Variants in TBCE observed in about 807,000 individuals in gnomAD.
The protein encoded by TBCE is tubulin-specific chaperone E.
Under a neutral mutation model 77.0 loss-of-function variants are expected in TBCE, and 53 were observed. The observed-to-expected ratio is 0.69, with a 90% confidence interval of 0.55 to 0.87. The LOEUF (loss-of-function observed/expected upper bound fraction) is 0.87. Ranked by LOEUF, TBCE falls within the 40% of genes least tolerant of loss-of-function variation. The pLI is 0.00. For missense variants in TBCE, 624 were observed against 622.4 expected (o/e 1.00, Z -0.03); for synonymous variants, 235 against 241.3 (o/e 0.97, Z 0.24).
intron 5 of TBCE, among the ~76,000 whole-genome samples, chr1:235,426,367 C>T (rs72759726): frequency 1.3e-5 from 2 of 152,150 alleles, no homozygotes; most frequent in Admixed American, 6.6e-5. Context: ...CTAAGTCATG[C>T]GCTTTTGCAC....
intron 2 of TBCE, among the ~76,000 whole-genome samples, chr1:235,394,943 G>A (rs905165259): frequency 3.3e-5 from 5 of 152,150 alleles, no homozygotes; most frequent in African/African-American, 7.2e-5. Context: ...GGGCTCAAGC[G>A]ATCCTCCTGC....
In TBCE at chr1:235,435,798, T is replaced by C; in HGVS notation, c.791T>C (p.Leu264Ser). The change falls in exon 9 of 17, where the codon TTA becomes TCA. Residue 264 changes from leucine (L) to serine (S), a missense_variant. Transcript: ENST00000642610. ...TTATTAGATCTTTCCTCTAATCAAT[T>C]AATTGATGAAAATCAGCTGTATCTG... ...VKLLDLSSNQ[L>S]IDENQLYLIA... is the part of the protein sequence containing the mutation. 1.2e-6 allele frequency: 2 copies of C among 1,614,180 alleles called. No individual in the cohort carries two copies. The highest frequency in any genetic ancestry group is 8.5e-7 in the Non-Finnish European group (1 of 1,180,030).
intron 2 of TBCE, among the ~76,000 whole-genome samples, chr1:235,393,408 C>T (rs182866756): frequency 6.4e-4 from 97 of 152,070 alleles, no homozygotes; most frequent in African/African-American, 2.1e-3. Context: ...TGTGGTGGCA[C>T]GTGCCTGTAA....
At chr1:235,448,079 G>T (rs530638476) in intron 15 of TBCE, among the ~76,000 whole-genome samples, 1 of 151,932 alleles carries the variant, frequency 6.6e-6, no homozygotes. Flanking sequence ...TGTGGTGATG[G>T]GCACCAGCTA....
chr1:235,387,797 C>T (rs1380084182), intron 2 of TBCE, among the ~76,000 whole-genome samples: 1 of 152,072 alleles, frequency 6.6e-6, no homozygotes, highest in African/African-American at 2.4e-5. Context: ...ATCCAGACCC[C>T]AAAAGAGGGT....
intron 16 of TBCE, 57 bp downstream of exon 16, chr1:235,448,497 A>G: frequency 6.5e-7 from 1 of 1,534,798 alleles, no homozygotes; most frequent in East Asian, 2.2e-5. Context: ...GTATTATGAC[A>G]TTAAACTGTC....
At chr1:235,373,845 T>G (rs1677130985) in intron 1 of TBCE, among the ~76,000 whole-genome samples, 1 of 145,220 alleles carries the variant, frequency 6.9e-6, no homozygotes, top group African/African-American at 2.7e-5. Flanking sequence ...GAGACGGTGT[T>G]TCACCGTGTT....
Position 235,448,400 on chromosome 1 carries a change from T to C in TBCE, c.1451T>C (p.Val484Ala). ...VKGLLSRLLKVPVSDLLLSYE... is the reference protein window; with the variant it reads ...VKGLLSRLLKAPVSDLLLSYE... ...GGATTGCTGTCACGTCTTCTCAAAG[T>C]TCCTGTGTCAGACCTTCTGTTGTCC... The change falls in exon 16 of 17, where the codon GTT becomes GCT. Residue 484 changes from valine (V) to alanine (A), a missense_variant. Transcript: ENST00000642610. The C allele has an allele frequency of 6.2e-7, 1 of 1,614,106 alleles. No individual in the cohort carries two copies. The highest frequency in any genetic ancestry group is 8.5e-7 in the Non-Finnish European group (1 of 1,180,000).
rs1303235274 is a variant in TBCE, at chr1:235,438,834, AC to A, written c.1183del (p.Gln395ArgfsTer29). On this transcript the variant is annotated frameshift_variant, in exon 13 of 17. Transcript: ENST00000642610. LOFTEE classifies it high-confidence loss of function. The stretch of plus-strand genomic sequence containing the variant: ...GAAAAGCTTTTGGAAATGAGTGGAA[AC>A]AGGCTGGTGGACATAAGGATCCGGA... Reference protein sequence around the residue: ...YRKAFGNEWKQAGGHKDPEKN... With the variant: ...YRKAFGNEWKXAGGHKDPEKN... 2.5e-6 allele frequency: 4 copies of A among 1,614,194 alleles called. No homozygotes were observed. Among genetic ancestry groups the A allele is most frequent in the Non-Finnish European group, 3.4e-6 (4 of 1,180,044 alleles).
At chr1:235,368,121 C>G (rs1045173329) in intron 1 of TBCE, among the ~76,000 whole-genome samples, 3 of 152,074 alleles carry the variant, frequency 2.0e-5, no homozygotes, top group African/African-American at 7.2e-5. Context: ...GGCCAGGCTG[C>G]TCTCGAACTC....
chr1:235,379,639 C>T (rs962092195), intron 1 of TBCE, among the ~76,000 whole-genome samples: 5 of 151,980 alleles, frequency 3.3e-5, no homozygotes, highest in Non-Finnish European at 7.4e-5. Flanking sequence ...ATACTGACTT[C>T]TCTCCCAAAC....
At chr1:235,396,037 T>C (rs1678697979) in intron 2 of TBCE, among the ~76,000 whole-genome samples, 1 of 152,012 alleles carries the variant, frequency 6.6e-6, no homozygotes, top group Non-Finnish European at 1.5e-5. Context: ...TTTTATTGTG[T>C]ATGTGTTTAT....
rs980127860 is a variant in TBCE at position 235,393,574 on chromosome 1, G to A, written c.101-7929G>A. Among the ~76,000 whole-genome samples, 4 of 150,644 alleles carry A rather than the reference G, an allele frequency of 2.7e-5. No individual in the cohort carries two copies. The South Asian group carries it at 8.4e-4, about 32-fold the overall frequency. ...TTATTGATTATATCTTATTATTGTT[G>A]TTTTATTGCTGTTCTTGTTCCAGAG... On this transcript the variant is annotated intron_variant, in intron 2 of 16. Transcript: ENST00000642610.
intron 2 of TBCE, among the ~76,000 whole-genome samples, chr1:235,396,868 A>G (rs1162122329): frequency 5.3e-5 from 8 of 152,146 alleles, no homozygotes; most frequent in Admixed American, 1.3e-4. Context: ...GCTCCTTATT[A>G]TATTCTGGTT....
Position 235,449,093 on chromosome 1 carries a change from C to A in TBCE, c.*331C>A. On this transcript the variant is annotated 3_prime_UTR_variant, in exon 17 of 17. Transcript: ENST00000642610. ...AAATCTGAACACAGTTAATATCTGT[C>A]ATAAGACTAGTTTTAATGGAATTCT... 3.3e-6 allele frequency: 1 copy of A among 303,080 alleles called. No homozygotes were observed. The highest frequency in any genetic ancestry group is 3.1e-5 in the South Asian group (1 of 32,156). The allele number at this position is 303,080 out of a possible 1,614,324, so 18.8% of individuals were successfully genotyped here.
intron 1 of TBCE, among the ~76,000 whole-genome samples, chr1:235,370,550 A>T (rs1401432787): frequency 2.8e-3 from 359 of 129,640 alleles, no homozygotes; most frequent in African/African-American, 7.7e-3. Flanking sequence ...TGCACCCGGC[A>T]TTTTTTTTTT....
rs573324724 is a variant in TBCE, at chr1:235,374,617, C to T, written c.-31-5402C>T. ...CTGGATTCAAGTGATTCTCCTGCCT[C>T]AGCCTCCCTAGGAGCTGGGATTACA... On this transcript the variant is annotated intron_variant, in intron 1 of 16. Coordinates refer to ENST00000642610, the MANE Select transcript of TBCE (RefSeq NM_003193.5). Among the ~76,000 whole-genome samples, 3 of 145,498 alleles carry T rather than the reference C, an allele frequency of 2.1e-5. 1 individual carries two copies. The highest frequency in any genetic ancestry group is 8.0e-5 in the African/African-American group (3 of 37,652).
chr1:235,370,745 C>CTTGTCT (rs753648637), intron 1 of TBCE, among the ~76,000 whole-genome samples: 1 of 78,202 alleles, frequency 1.3e-5, no homozygotes, highest in African/African-American at 3.4e-5. Flanking sequence ...CTTGTCTTTT[C>CTTGTCT]TTTTTTTTTT....
chr1:235,394,418 C>CTTTTTTTTTTTTTTTTTT (rs386370043), intron 2 of TBCE, among the ~76,000 whole-genome samples: 1 of 72,314 alleles, frequency 1.4e-5, no homozygotes, highest in Admixed American at 2.3e-4. Flanking sequence ...TTGATAATTT[C>CTTTTTTTTTTTTTTTTTT]TTTTTTTTTT....
Sources: allele counts gnomAD v4.1 joint callset (sites outside exome capture counted in the v4.1 genomes callset), GRCh38; gene constraint gnomAD v4.1.1; transcripts MANE v1.5; gene names NCBI Gene and HGNC (gene_info 2026-07-23, HGNC 2026-07-21).